The following C2CD5 variants were observed in gnomAD, a reference collection of about 807,000 sequenced individuals.
C2CD5 encodes the protein C2 calcium dependent domain containing 5.
A neutral mutation model predicts 130.3 loss-of-function variants in C2CD5; 109 were observed. The ratio of observed to expected loss-of-function variants is 0.84; its 90% confidence interval spans 0.72 to 0.98. C2CD5 has a LOEUF of 0.98. C2CD5 is among the 50% of genes least tolerant of loss of function. The pLI is 0.00. For missense variants in C2CD5, 996 were observed against 1,261.8 expected (o/e 0.79, Z 3.19); for synonymous variants, 454 against 429.2 (o/e 1.06, Z -0.71).
At chr12:22,474,053 C>T (rs543537532) in intron 16 of C2CD5, among the ~76,000 whole-genome samples, 1 of 152,270 alleles carries the variant, frequency 6.6e-6, no homozygotes, top group East Asian at 1.9e-4. Flanking sequence ...CCTCCAATCC[C>T]ATCCCAACAC....
intron 9 of C2CD5, chr12:22,512,702 A>C: frequency 6.8e-7 from 1 of 1,472,830 alleles, no homozygotes; most frequent in Non-Finnish European, 9.0e-7. Context: ...GTTTATTTAA[A>C]AAAAAAAAAG....
At chr12:22,463,633 GT>G (rs950522635) in intron 22 of C2CD5, 6 of 152,126 alleles carry the variant, frequency 3.9e-5, no homozygotes, top group Non-Finnish European at 8.8e-5. Flanking sequence ...GGTCTCAAGT[GT>G]TTTGTCACAG....
Position 22,533,923 on chromosome 12 carries a change from C to T in C2CD5, c.177+1335G>A, listed in dbSNP as rs149556399. On this transcript the variant is annotated intron_variant, in intron 3 of 26. Transcript: ENST00000446597. ...AGTTGGGGCCACGTGTGGTGGCTAA[C>T]GCCTGTAATCCTAGCACTTTGGGAG... Among the ~76,000 whole-genome samples the T allele has an allele frequency of 1.6e-4, 24 of 152,332 alleles. No homozygotes were observed. In the East Asian group the frequency reaches 4.2e-3, roughly 27 times the overall value.
At chr12:22,498,188 G>A (rs567958736) in intron 10 of C2CD5, among the ~76,000 whole-genome samples, 1 of 152,036 alleles carries the variant, frequency 6.6e-6, no homozygotes, top group Middle Eastern at 3.2e-3. Context: ...AGTTCCAAGA[G>A]AGCCTACCAC....
In C2CD5 at chr12:22,484,819, A is replaced by T. The variant is rs780736014; in HGVS notation, c.1428T>A (p.Phe476Leu). 1 of 1,609,852 alleles carries T rather than the reference A, an allele frequency of 6.2e-7. No individual in the cohort carries two copies. Among genetic ancestry groups the T allele is most frequent in the South Asian group, 1.1e-5 (1 of 90,640 alleles). ...HIPYDELNMP[F>L]PAHLTYCYNC... ...TATAGCAATATGTGAGATGAGCTGGAAATGGCATATTCAGTTCATCATATG... is the reference window on the plus strand; with the variant it reads ...TATAGCAATATGTGAGATGAGCTGGTAATGGCATATTCAGTTCATCATATG... Residue 476 changes from phenylalanine to leucine, a missense_variant, in exon 13 of 27, where the codon TTT becomes TTA. Coordinates refer to ENST00000446597, the MANE Select transcript of C2CD5 (RefSeq NM_001286176.2).
rs1949938826 is a variant in C2CD5 at position 22,518,141 on chromosome 12, C to T, written c.801-4G>A. The T allele has an allele frequency of 2.5e-6, 4 of 1,612,932 alleles. No individual in the cohort carries two copies. Among genetic ancestry groups the T allele is most frequent in the Admixed American group, 3.3e-5 (2 of 59,922 alleles). On this transcript the variant is annotated splice_region_variant and splice_polypyrimidine_tract_variant and intron_variant, in intron 7 of 26. Coordinates refer to ENST00000446597, the MANE Select transcript of C2CD5 (RefSeq NM_001286176.2). ...GGGATCTTCATTGAAGGGAATCCTG[C>T]CAGAAGAAGGTGGAGAAATATTAAG...
intron 9 of C2CD5, among the ~76,000 whole-genome samples, chr12:22,507,801 A>G (rs2136753933): frequency 6.6e-6 from 1 of 152,352 alleles, no homozygotes; most frequent in East Asian, 1.9e-4. Flanking sequence ...AAAATAAGCA[A>G]AACAGGGCTC....
chr12:22,470,449 T>A (rs780823612), intron 21 of C2CD5, among the ~76,000 whole-genome samples: 1 of 152,108 alleles, frequency 6.6e-6, no homozygotes, highest in Admixed American at 6.6e-5. Context: ...ATGGAACTTG[T>A]CCTGAAAATA....
Position 22,524,457 on chromosome 12 carries a change from AT to A in C2CD5, c.601+14del. 8.1e-6 allele frequency: 13 copies of A among 1,607,748 alleles called. No homozygotes were observed. The highest frequency in any genetic ancestry group is 1.3e-5 in the African/African-American group (1 of 74,742). On this transcript the variant is annotated intron_variant, in intron 6 of 26. Transcript: ENST00000446597. ...TACTAAATCAGTCAGTAATAAAGTTATTTTTTTTAAATACCTGACATTAACG... is the reference window on the plus strand; with the variant it reads ...TACTAAATCAGTCAGTAATAAAGTTATTTTTTTAAATACCTGACATTAACG...
At chr12:22,543,922 T>C (rs1254892690) in intron 2 of C2CD5, 139 bp downstream of exon 2, 54 of 651,820 alleles carry the variant, frequency 8.3e-5, no homozygotes, top group Non-Finnish European at 1.1e-4. Flanking sequence ...CGGTCATCCC[T>C]CGTGGGAGAG....
chr12:22,472,373 T>C, intron 17 of C2CD5, 26 bp from the exon 18 acceptor site: 1 of 1,086,532 alleles, frequency 9.2e-7, no homozygotes, highest in Non-Finnish European at 1.4e-6. Flanking sequence ...GTAATCAAAA[T>C]ATATGATAAT....
chr12:22,544,464 G>C lies in C2CD5; in HGVS notation c.-174C>G, dbSNP rs1329971164. On this transcript the variant is annotated 5_prime_UTR_variant, in exon 1 of 27. Coordinates refer to ENST00000446597, the MANE Select transcript of C2CD5 (RefSeq NM_001286176.2). ...CAAAACCCAGTCAGCATCCCGTTGAGCCTCTGCCGCCCCTGCTTGTCTCTC... is the reference window on the plus strand; with the variant it reads ...CAAAACCCAGTCAGCATCCCGTTGACCCTCTGCCGCCCCTGCTTGTCTCTC... The C allele has an allele frequency of 4.3e-6, 1 of 233,160 alleles. No homozygotes were observed. Among genetic ancestry groups the C allele is most frequent in the Admixed American group, 6.0e-5 (1 of 16,698 alleles). The allele number at this position is 233,160 out of a possible 1,614,324, so 14.4% of individuals were successfully genotyped here. A position where few individuals can be genotyped will look rare whatever the true frequency, so the allele number is the denominator to read the frequency against.
intron 4 of C2CD5, among the ~76,000 whole-genome samples, chr12:22,526,724 GA>G (rs1950755325): frequency 6.6e-6 from 1 of 151,988 alleles, no homozygotes. Context: ...AAAATTCCAA[GA>G]ATAAGGGTTT....
At chr12:22,479,253 T>C (rs1251144398) in intron 14 of C2CD5, among the ~76,000 whole-genome samples, 3 of 152,060 alleles carry the variant, frequency 2.0e-5, no homozygotes, top group Middle Eastern at 3.4e-3. Context: ...TTTGTATTTT[T>C]AGTAGAGATG....
intron 23 of C2CD5, among the ~76,000 whole-genome samples, 167 bp downstream of exon 23, chr12:22,459,321 TTTAA>T (rs1213997048): frequency 6.6e-6 from 1 of 152,018 alleles, no homozygotes; most frequent in Non-Finnish European, 1.5e-5. Context: ...TAAATATTAG[TTTAA>T]TTGATGCTTT....
chr12:22,527,958 C>T, intron 3 of C2CD5, 66 bp from the exon 4 acceptor site: 1 of 875,554 alleles, frequency 1.1e-6, no homozygotes, highest in African/African-American at 1.8e-5. Flanking sequence ...AAATGTATAC[C>T]TATATCAAAT....
chr12:22,513,689 A>C (rs1266191683), intron 8 of C2CD5, among the ~76,000 whole-genome samples: 5 of 152,162 alleles, frequency 3.3e-5, no homozygotes, highest in Non-Finnish European at 4.4e-5. Flanking sequence ...TGAGTCTTTT[A>C]ATTAAAATAA....
intron 17 of C2CD5, 114 bp downstream of exon 17, chr12:22,472,630 C>T: frequency 1.3e-6 from 1 of 764,270 alleles, no homozygotes; most frequent in Non-Finnish European, 2.4e-6. Context: ...ACATGACAAG[C>T]TGTGACACTG....
chr12:22,448,715 A>G lies in C2CD5; in HGVS notation c.*1045T>C, dbSNP rs958140679. 2 of 152,628 alleles carry G rather than the reference A, an allele frequency of 1.3e-5. No homozygotes were observed. The highest frequency in any genetic ancestry group is 4.8e-5 in the African/African-American group (2 of 41,450). The allele number at this position is 152,628 out of a possible 1,614,324, so 9.5% of individuals were successfully genotyped here. ...CCTGGGGGAAAAAATCATAAGTGTTATAAAGAAATATTATTGTGCAAAGGA... is the reference window on the plus strand; with the variant it reads ...CCTGGGGGAAAAAATCATAAGTGTTGTAAAGAAATATTATTGTGCAAAGGA... On this transcript the variant is annotated 3_prime_UTR_variant, in exon 27 of 27. Transcript: ENST00000446597.
Sources: gnomAD v4.1 joint callset for allele counts (sites outside exome capture counted in the v4.1 genomes callset) on GRCh38, gnomAD v4.1.1 for gene constraint, MANE v1.5 for transcripts, NCBI Gene and HGNC (gene_info 2026-07-23, HGNC 2026-07-21) for gene names.